INPP5A: variants seen among roughly 807,000 people sequenced by gnomAD.
The protein encoded by INPP5A is inositol polyphosphate-5-phosphatase A.
INPP5A carries 14 observed loss-of-function variants against 65.2 expected under a neutral mutation model. The observed-to-expected ratio is 0.21, with a 90% confidence interval of 0.14 to 0.34. The LOEUF (loss-of-function observed/expected upper bound fraction) is 0.34. Among genes scored for constraint, INPP5A ranks in the 10% least tolerant of loss-of-function variants. INPP5A has a pLI of 1.00. For missense variants in INPP5A, 431 were observed against 545.6 expected, an observed-to-expected ratio of 0.79 and a Z score of 2.09; for synonymous variants, 207 against 208.3, an observed-to-expected ratio of 0.99 and a Z score of 0.05.
intron 8 of INPP5A, among the ~76,000 whole-genome samples, chr10:132,719,554 C>G (rs547482365): frequency 6.8e-6 from 1 of 147,544 alleles, no homozygotes; most frequent in Admixed American, 6.7e-5. Context: ...TGCCTGGGTT[C>G]TGTCTGGGTG....
chr10:132,552,505 T>C (rs2071068292), intron 1 of INPP5A, among the ~76,000 whole-genome samples: 3 of 131,262 alleles, frequency 2.3e-5, no homozygotes, highest in South Asian at 2.8e-4. Flanking sequence ...TTGAGTGGGA[T>C]AGGGAGGGAG....
At chr10:132,618,687 T>G (rs2072074068) in intron 2 of INPP5A, among the ~76,000 whole-genome samples, 1 of 152,178 alleles carries the variant, frequency 6.6e-6, no homozygotes, top group South Asian at 2.1e-4. Context: ...TGCAGGAAGC[T>G]TAGTGCTGGC....
intron 11 of INPP5A, among the ~76,000 whole-genome samples, chr10:132,760,716 C>T (rs531571169): frequency 8.5e-5 from 13 of 152,232 alleles, no homozygotes; most frequent in Non-Finnish European, 1.5e-4. Flanking sequence ...GCCCGGGCCC[C>T]TCTCTCCCAT....
At chr10:132,558,637 C>T (rs546439318) in intron 1 of INPP5A, among the ~76,000 whole-genome samples, 5 of 152,350 alleles carry the variant, frequency 3.3e-5, no homozygotes, top group South Asian at 4.1e-4. Flanking sequence ...AGCCCTTCCT[C>T]CTTCTCCCTG....
chr10:132,604,022 G>A (rs1369270215), intron 1 of INPP5A, among the ~76,000 whole-genome samples: 7 of 137,046 alleles, frequency 5.1e-5, no homozygotes, highest in South Asian at 2.5e-4. Context: ...TCCCCTCTCT[G>A]TCCCGCCCTG....
chr10:132,615,705 G>T (rs1045347980), intron 2 of INPP5A, among the ~76,000 whole-genome samples: 13 of 152,194 alleles, frequency 8.5e-5, no homozygotes, highest in Non-Finnish European at 1.5e-5. Flanking sequence ...TGGGCAGCTG[G>T]GACTGAGGTG....
intron 11 of INPP5A, among the ~76,000 whole-genome samples, chr10:132,750,906 G>A (rs1175790538): frequency 1.3e-5 from 2 of 152,220 alleles, no homozygotes; most frequent in Non-Finnish European, 2.9e-5. Context: ...CACTGCAGCC[G>A]CGTTCACATC....
At chr10:132,689,048 C>G (rs539788458) in intron 4 of INPP5A, among the ~76,000 whole-genome samples, 1 of 152,092 alleles carries the variant, frequency 6.6e-6, no homozygotes, top group Non-Finnish European at 1.5e-5. Flanking sequence ...TGTTTGCAAG[C>G]GTGTGGTGTG....
rs1846012299 is a variant in INPP5A at position 132,727,804 on chromosome 10, GGATGGGGACACGGTGAGTCA to G, written c.732+910_732+929del. ...GAGTCAGATGGGGACACGGTAAGTC[GGATGGGGACACGGTGAGTCA>G]GATGGGGACATGGTGAGTTGGATGG... On this transcript the variant is annotated intron_variant, in intron 9 of 15. Transcript: ENST00000368594. This position sits in a 1 kb window ranked among gnomAD's most constrained non-coding sequence, Gnocchi z 6.5. Among the ~76,000 whole-genome samples the G allele has an allele frequency of 6.6e-6, 1 of 152,028 alleles. No homozygotes were observed. Among genetic ancestry groups the G allele is most frequent in the Admixed American group, 6.5e-5 (1 of 15,274 alleles).
intron 1 of INPP5A, among the ~76,000 whole-genome samples, chr10:132,554,707 G>A (rs1037537663): frequency 3.3e-5 from 5 of 151,056 alleles, no homozygotes; most frequent in Non-Finnish European, 7.4e-5. Flanking sequence ...TGTGGTTGGT[G>A]TGATCAATGT....
At chr10:132,702,465 CAGG>C (rs1371532418) in intron 6 of INPP5A, among the ~76,000 whole-genome samples, 1 of 152,194 alleles carries the variant, frequency 6.6e-6, no homozygotes, top group Admixed American at 6.5e-5. Flanking sequence ...ATCGAAAACT[CAGG>C]AGAAGAATAA....
chr10:132,600,946 C>G (rs1163967908), intron 1 of INPP5A, among the ~76,000 whole-genome samples: 1 of 152,176 alleles, frequency 6.6e-6, no homozygotes, highest in South Asian at 2.1e-4. Flanking sequence ...CTGGGAGATA[C>G]AATTCAAGTT....
intron 1 of INPP5A, among the ~76,000 whole-genome samples, chr10:132,578,619 G>T (rs919754390): frequency 1.0e-5 from 1 of 97,606 alleles, no homozygotes. Context: ...GAGTGTGTGG[G>T]GCGTCTCACC....
At chr10:132,586,937 G>A (rs1473604303) in intron 1 of INPP5A, among the ~76,000 whole-genome samples, 3 of 152,146 alleles carry the variant, frequency 2.0e-5, no homozygotes, top group East Asian at 3.9e-4. Context: ...ATAGCGAGTC[G>A]GAGTCGGAGC....
intron 4 of INPP5A, among the ~76,000 whole-genome samples, chr10:132,658,108 C>T (rs569659110): frequency 1.3e-3 from 192 of 152,324 alleles, no homozygotes; most frequent in African/African-American, 4.4e-3. Context: ...AATAATAACT[C>T]GGATCCAAAT....
intron 1 of INPP5A, among the ~76,000 whole-genome samples, chr10:132,589,293 C>T (rs775741413): frequency 4.6e-5 from 7 of 152,244 alleles, no homozygotes; most frequent in East Asian, 1.9e-4. Flanking sequence ...CGTGCGCATG[C>T]GGGCTCGAGG....
intron 1 of INPP5A, among the ~76,000 whole-genome samples, chr10:132,562,412 G>C (rs528286101): frequency 2.9e-4 from 44 of 152,356 alleles, no homozygotes; most frequent in Admixed American, 2.2e-3. Context: ...GGTGAACCTG[G>C]GCCTGGGGGT....
chr10:132,658,453 T>C (rs138034982), intron 4 of INPP5A, among the ~76,000 whole-genome samples: 78 of 152,320 alleles, frequency 5.1e-4, no homozygotes, highest in African/African-American at 1.8e-3. Flanking sequence ...TTGACTCTTT[T>C]ATTTCCTTCT....
intron 1 of INPP5A, among the ~76,000 whole-genome samples, chr10:132,569,924 T>A (rs1405572138): frequency 1.3e-5 from 2 of 148,248 alleles, no homozygotes; most frequent in Non-Finnish European, 3.0e-5. Context: ...AGTGCTGGGA[T>A]TACAGGTGTG....
Sources: allele counts gnomAD v4.1 joint callset (sites outside exome capture counted in the v4.1 genomes callset), GRCh38; gene constraint gnomAD v4.1.1; non-coding constraint Gnocchi (gnomAD v3.1); transcripts MANE v1.5; gene names NCBI Gene and HGNC (gene_info 2026-07-23, HGNC 2026-07-21).